Variants in BLTP3A observed in about 807,000 individuals in gnomAD.
BLTP3A encodes bridge-like lipid transfer protein family member 3A, also known as ICBP90 binding protein 1.
the BLTP3A span, chr6:34,792,432 C>T: frequency 6.8e-6 from 6 of 880,696 alleles, no homozygotes; most frequent in Non-Finnish European, 9.5e-6. Context: ...CCCTGCCTAA[C>T]TCGAGCCCGG....
the BLTP3A span, among the ~76,000 whole-genome samples, chr6:34,808,346 CAAAAAAAAAAAAA>C: frequency 3.7e-5 from 1 of 26,720 alleles, no homozygotes; most frequent in African/African-American, 1.5e-4. Context: ...AACTCCGTCT[CAAAAAAAAAAAAA>C]AAAAAAAAAA....
chr6:34,853,724 C>A, the BLTP3A span, among the ~76,000 whole-genome samples: 2 of 151,924 alleles, frequency 1.3e-5, no homozygotes, highest in African/African-American at 4.8e-5. Flanking sequence ...CCACATCCAG[C>A]TAATTTTTGT....
the BLTP3A span, among the ~76,000 whole-genome samples, chr6:34,801,655 C>T: frequency 6.6e-6 from 1 of 152,132 alleles, no homozygotes; most frequent in Non-Finnish European, 1.5e-5. Flanking sequence ...ATTAAATGAG[C>T]TTAGACTCTA....
chr6:34,792,137 G>A, the BLTP3A span: 1 of 943,854 alleles, frequency 1.1e-6, no homozygotes. Flanking sequence ...GGCGGCGGCG[G>A]CGGCTGTGTC....
the BLTP3A span, among the ~76,000 whole-genome samples, chr6:34,862,336 A>G: frequency 6.6e-6 from 1 of 152,060 alleles, no homozygotes; most frequent in Non-Finnish European, 1.5e-5. Flanking sequence ...AGATCATGCC[A>G]CTGCACTCCA....
the BLTP3A span, among the ~76,000 whole-genome samples, chr6:34,796,369 G>T: frequency 6.6e-6 from 1 of 152,154 alleles, no homozygotes; most frequent in Admixed American, 6.5e-5. Context: ...GCCTACCCTA[G>T]GCCAGGCACT....
chr6:34,860,977 T>C, the BLTP3A span, among the ~76,000 whole-genome samples: 1 of 152,166 alleles, frequency 6.6e-6, no homozygotes, highest in Non-Finnish European at 1.5e-5. Context: ...ACATTGCTGA[T>C]CAGTTCATTC....
At chr6:34,836,395 C>T in the BLTP3A span, 1 of 1,565,700 alleles carries the variant, frequency 6.4e-7, no homozygotes, top group Non-Finnish European at 8.8e-7. Flanking sequence ...ACGTCACTGT[C>T]TAGCTCTGGG....
chr6:34,805,016 G>T, the BLTP3A span, among the ~76,000 whole-genome samples: 1 of 151,956 alleles, frequency 6.6e-6, no homozygotes, highest in South Asian at 2.1e-4. Flanking sequence ...TGTATAGGCC[G>T]GGCACAGTGG....
chr6:34,821,043 G>A, the BLTP3A span, among the ~76,000 whole-genome samples: 12 of 149,686 alleles, frequency 8.0e-5, no homozygotes, highest in African/African-American at 2.5e-4. Context: ...TGCAACCTCC[G>A]CCTCCCAGGT....
chr6:34,794,410 A>G, the BLTP3A span, among the ~76,000 whole-genome samples: 1 of 152,242 alleles, frequency 6.6e-6, no homozygotes, highest in Non-Finnish European at 1.5e-5. Flanking sequence ...AACATACACT[A>G]TGTGCTCAAT....
chr6:34,792,499 C>G, the BLTP3A span, among the ~76,000 whole-genome samples: 1 of 152,194 alleles, frequency 6.6e-6, no homozygotes, highest in East Asian at 1.9e-4. Context: ...GTGCTTCCCC[C>G]GCGCTGGGCC....
chr6:34,868,223 T>C, the BLTP3A span, among the ~76,000 whole-genome samples: 1 of 151,902 alleles, frequency 6.6e-6, no homozygotes, highest in African/African-American at 2.4e-5. Context: ...GGAGAATTGC[T>C]TGAACCCAGG....
At chr6:34,818,077 CT>C in the BLTP3A span, among the ~76,000 whole-genome samples, 1 of 152,104 alleles carries the variant, frequency 6.6e-6, no homozygotes, top group East Asian at 1.9e-4. Flanking sequence ...CCAGGATGGT[CT>C]CGATCTCCTG....
At chr6:34,805,571 C>A in the BLTP3A span, among the ~76,000 whole-genome samples, 2 of 138,996 alleles carry the variant, frequency 1.4e-5, no homozygotes, top group Non-Finnish European at 3.0e-5. Flanking sequence ...CCAGGCTGGG[C>A]AGCAGAAGGC....
the BLTP3A span, chr6:34,834,728 C>G: frequency 1.2e-6 from 2 of 1,613,632 alleles, no homozygotes; most frequent in South Asian, 2.2e-5. Flanking sequence ...CAGGTTTTAA[C>G]ATTTAAGGAA....
chr6:34,863,268 G>T, the BLTP3A span, among the ~76,000 whole-genome samples: 1 of 152,122 alleles, frequency 6.6e-6, no homozygotes, highest in Non-Finnish European at 1.5e-5. Context: ...TCTGTAAAAT[G>T]GGAGGGTGGT....
At chr6:34,826,827 A>T in the BLTP3A span, among the ~76,000 whole-genome samples, 920 of 152,204 alleles carry the variant, frequency 6.0e-3, 8 homozygotes, top group South Asian at 0.026. Context: ...TTTTAGATAG[A>T]ATAAGATGTT....
At chr6:34,874,701 G>C in the BLTP3A span, 1 of 152,280 alleles carries the variant, frequency 6.6e-6, no homozygotes, top group Non-Finnish European at 1.5e-5. Flanking sequence ...GCATTGCTGA[G>C]GGGGAGGAGA....
Sources: gnomAD v4.1 joint callset for allele counts (sites outside exome capture counted in the v4.1 genomes callset) on GRCh38, gnomAD v4.1.1 for gene constraint, MANE v1.5 for transcripts, NCBI Gene and HGNC (gene_info 2026-07-23, HGNC 2026-07-21) for gene names.